The following RB1CC1 variants were observed in gnomAD, a reference collection of about 807,000 sequenced individuals.
RB1CC1 encodes the protein RB1-inducible coiled-coil protein 1.
A neutral mutation model predicts 177.5 loss-of-function variants in RB1CC1; 46 were observed. The ratio of observed to expected loss-of-function variants is 0.26; its 90% CI spans 0.20 to 0.33. The LOEUF is 0.33. Among genes scored for constraint, RB1CC1 ranks in the 10% least tolerant of loss-of-function variants. The pLI is 1.00. For missense variants in RB1CC1, 1,703 were observed against 1,816.3 expected (o/e 0.94, Z 1.13); for synonymous variants, 666 against 613.6 (o/e 1.09, Z -1.26).
At chr8:52,684,092 A>G in intron 3 of RB1CC1, 79 bp from the exon 4 acceptor site, 1 of 1,466,252 alleles carries the variant, frequency 6.8e-7, no homozygotes, top group Non-Finnish European at 9.1e-7. Context: ...CTATGTAAAA[A>G]CACCTTAGAG....
At chr8:52,702,501 G>T (rs1856169945) in intron 1 of RB1CC1, among the ~76,000 whole-genome samples, 1 of 152,130 alleles carries the variant, frequency 6.6e-6, no homozygotes, top group Admixed American at 6.5e-5. Flanking sequence ...TGGATCACTT[G>T]AGGTCAGGAG....
chr8:52,642,663 A>C, intron 17 of RB1CC1, 41 bp downstream of exon 17: 2 of 1,574,650 alleles, frequency 1.3e-6, no homozygotes, highest in Non-Finnish European at 1.7e-6. Context: ...TATCTTTTCC[A>C]CTTTAAAAAA....
rs1483360150 is a variant in RB1CC1, at chr8:52,656,346, C to T, written c.3483G>A (p.Leu1161=). ...LKAELNKVTS[L]HNQAFEIEKN... The stretch of plus-strand genomic sequence containing the variant: ...TTTCTATTTCAAATGCTTGGTTATG[C>T]AAAGATGTTACTTTGTTTAATTCAG... The change falls in exon 15 of 24, where the codon TTG becomes TTA. Residue 1161 remains leucine (L), a synonymous_variant. Transcript: ENST00000025008. 1 of 1,611,958 alleles carries T rather than the reference C, an allele frequency of 6.2e-7. No homozygotes were observed. The highest frequency in any genetic ancestry group is 1.7e-5 in the Admixed American group (1 of 59,780).
intron 1 of RB1CC1, 43 bp from the exon 2 acceptor site, chr8:52,687,010 T>C (rs1336944176): frequency 4.4e-6 from 2 of 453,358 alleles, no homozygotes; most frequent in Non-Finnish European, 8.8e-6. Flanking sequence ...AACAATTCAG[T>C]ACGAAACAAC....
At chr8:52,636,509 T>A (rs925810946) in intron 18 of RB1CC1, among the ~76,000 whole-genome samples, 1 of 152,126 alleles carries the variant, frequency 6.6e-6, no homozygotes, top group Non-Finnish European at 1.5e-5. Context: ...AATTAGAAAA[T>A]TTTAAAAAAT....
intron 15 of RB1CC1, among the ~76,000 whole-genome samples, chr8:52,649,257 A>G (rs1253478943): frequency 1.3e-5 from 2 of 152,212 alleles, no homozygotes; most frequent in Non-Finnish European, 2.9e-5. Flanking sequence ...TGAATACTTT[A>G]AAGAGGCCTG....
At chr8:52,682,331 A>G (rs1230854174) in intron 5 of RB1CC1, among the ~76,000 whole-genome samples, 4 of 152,122 alleles carry the variant, frequency 2.6e-5, no homozygotes, top group Non-Finnish European at 4.4e-5. Context: ...TTCAGCCACG[A>G]GGAACTGTTA....
At chr8:52,649,642 A>G (rs755698133) in intron 15 of RB1CC1, among the ~76,000 whole-genome samples, 90 of 152,250 alleles carry the variant, frequency 5.9e-4, no homozygotes, top group Non-Finnish European at 1.1e-3. Context: ...TCTCAAAAAA[A>G]TAATAAAATA....
At chr8:52,666,533 GA>G (rs1383749178) in intron 8 of RB1CC1, among the ~76,000 whole-genome samples, 12 of 149,232 alleles carry the variant, frequency 8.0e-5, no homozygotes, top group Non-Finnish European at 1.2e-4. Context: ...AAAAAAAAAA[GA>G]AAGAAAGAAA....
Position 52,707,115 on chromosome 8 carries a change from C to T in RB1CC1, c.-167+6960G>A, listed in dbSNP as rs550804739. On this transcript the variant is annotated intron_variant, in intron 1 of 23. Transcript: ENST00000025008. ...CATTTGATTACAAAAAGTAAAAGTACCTGTCTCACAGGGTTGTGGTCAGGA... is the reference window on the plus strand; with the variant it reads ...CATTTGATTACAAAAAGTAAAAGTATCTGTCTCACAGGGTTGTGGTCAGGA... Among the ~76,000 whole-genome samples, 4 of 152,308 alleles carry T rather than the reference C, an allele frequency of 2.6e-5. No individual in the cohort carries two copies. The East Asian group carries it at 7.7e-4, about 29-fold the overall frequency.
chr8:52,624,690 C>G (rs376261405), intron 23 of RB1CC1, 27 bp downstream of exon 23: 2 of 1,526,182 alleles, frequency 1.3e-6, no homozygotes, highest in Admixed American at 1.7e-5. Flanking sequence ...AGTTCCCAGG[C>G]TTAGTATCAC....
chr8:52,665,307 C>G (rs544419704), intron 8 of RB1CC1, among the ~76,000 whole-genome samples: 3 of 152,282 alleles, frequency 2.0e-5, no homozygotes, highest in African/African-American at 4.8e-5. Flanking sequence ...AGAGTAAATA[C>G]ATGGCAAACG....
chr8:52,660,687 T>C, intron 11 of RB1CC1, 30 bp from the exon 12 acceptor site: 1 of 1,557,396 alleles, frequency 6.4e-7, no homozygotes, highest in Non-Finnish European at 8.7e-7. Context: ...ATATGGTTAT[T>C]TTAGAGCTTT....
chr8:52,630,954 C>T (rs1271377693), intron 20 of RB1CC1, among the ~76,000 whole-genome samples: 1 of 152,182 alleles, frequency 6.6e-6, no homozygotes, highest in Non-Finnish European at 1.5e-5. Flanking sequence ...CTGCTGCTCA[C>T]AGCCGTCACA....
chr8:52,637,650 T>C (rs928335764), intron 18 of RB1CC1, among the ~76,000 whole-genome samples: 1 of 151,974 alleles, frequency 6.6e-6, no homozygotes, highest in Admixed American at 6.6e-5. Context: ...TCCTTACCAA[T>C]CTAGATGCAT....
At chr8:52,660,000 AAAC>A (rs914542436) in intron 12 of RB1CC1, among the ~76,000 whole-genome samples, 22 of 152,218 alleles carry the variant, frequency 1.4e-4, no homozygotes, top group African/African-American at 3.1e-4. Context: ...CTTGTCTCCA[AAAC>A]AACAACAACA....
At position 52,668,111 on chromosome 8, in the gene RB1CC1, G is replaced by A. The variant is rs34419732; in HGVS notation, c.1083C>T (p.Ala361=). The stretch of plus-strand genomic sequence containing the variant: ...AGAGCCGATCTTCAAGTCCTTTAAT[G>A]GCTTTCATATTCTGATTATCAAGTT... ...IAKLDNQNMK[A]IKGLEDRLYA... Residue 361 remains alanine, a synonymous_variant, in exon 8 of 24, where the codon GCC becomes GCT. Transcript: ENST00000025008. 2.2e-4 allele frequency: 355 copies of A among 1,614,122 alleles called. 1 individual carries two copies. The African/African-American group carries it at 4.3e-3, about 20-fold the overall frequency.
In RB1CC1 at chr8:52,676,564, T is replaced by C. The variant is rs772688555; in HGVS notation, c.377A>G (p.Tyr126Cys). 4 of 1,600,648 alleles carry C rather than the reference T, an allele frequency of 2.5e-6. No individual in the cohort carries two copies. The highest frequency in any genetic ancestry group is 1.1e-5 in the South Asian group (1 of 88,146). The change falls in exon 6 of 24, where the codon TAT becomes TGT. Residue 126 changes from tyrosine (Y) to cysteine (C), a missense_variant. This residue lies in a region of RB1CC1 where 315 missense variants were observed against 304.9 expected (regional missense o/e 1.03). Transcript: ENST00000025008. ...AGAACAAAGTTTCTTGGCAACTTCA[T>C]ACATTTCCTATATTGAAAAAGAATA... is the stretch of plus-strand genomic sequence containing the variant. ...ASRTQLALEM[Y>C]EVAKKLCSFC...
intron 1 of RB1CC1, among the ~76,000 whole-genome samples, chr8:52,703,357 C>A (rs976494943): frequency 1.1e-4 from 16 of 152,226 alleles, no homozygotes; most frequent in African/African-American, 3.9e-4. Context: ...ATCTTAGATT[C>A]TTTTAATGTT....
Sources: gnomAD v4.1 joint callset for allele counts (sites outside exome capture counted in the v4.1 genomes callset) on GRCh38, gnomAD v4.1.1 for gene constraint, gnomAD v4.1.1 regional missense constraint, MANE v1.5 for transcripts, NCBI Gene and HGNC (gene_info 2026-07-23, HGNC 2026-07-21) for gene names.